Variants in LINGO2 observed in about 807,000 individuals in gnomAD.
LINGO2 encodes the protein leucine-rich repeat and immunoglobulin-like domain-containing nogo receptor-interacting protein 2.
LINGO2 carries 14 observed loss-of-function variants against 30.6 expected under a neutral mutation model. That is an observed-to-expected ratio of 0.46 (90% CI 0.30 to 0.72). LINGO2 has a LOEUF of 0.72. LINGO2 is among the 30% of genes least tolerant of loss of function. The pLI, the probability that LINGO2 is intolerant of heterozygous loss-of-function variation, is 0.07. For synonymous variants in LINGO2, 317 were observed against 288.5 expected (o/e 1.10, Z -1.00); for missense variants, 729 against 751.7 (o/e 0.97, Z 0.35).
At chr9:28,097,601 C>T (rs1448468348) in intron 4 of LINGO2, among the ~76,000 whole-genome samples, 3 of 137,972 alleles carry the variant, frequency 2.2e-5, no homozygotes, top group Non-Finnish European at 3.1e-5. Flanking sequence ...AACCAAACAC[C>T]GCATATTCTC....
chr9:28,965,494 T>A, the LINGO2 span, among the ~76,000 whole-genome samples: 3 of 152,060 alleles, frequency 2.0e-5, no homozygotes, highest in African/African-American at 7.2e-5. Flanking sequence ...AGAATCATGT[T>A]TCCTTCGCAT....
At chr9:28,368,690 G>A (rs892202620) in intron 3 of LINGO2, among the ~76,000 whole-genome samples, 9 of 150,038 alleles carry the variant, frequency 6.0e-5, no homozygotes, top group Admixed American at 2.0e-4. Context: ...TCCCCCTCCC[G>A]AGTTCACACC....
intron 4 of LINGO2, among the ~76,000 whole-genome samples, chr9:28,094,127 G>T (rs1023943265): frequency 1.3e-5 from 2 of 151,998 alleles, no homozygotes; most frequent in Admixed American, 1.3e-4. Flanking sequence ...CCAAGAATCA[G>T]AATTATTTTC....
chr9:28,884,948 AAT>A, the LINGO2 span, among the ~76,000 whole-genome samples: 31 of 4,574 alleles, frequency 6.8e-3, 2 homozygotes, highest in Admixed American at 0.073. Flanking sequence ...TAATATATAT[AAT>A]ATATAATATT....
At chr9:27,985,195 C>T (rs1195329632) in intron 5 of LINGO2, among the ~76,000 whole-genome samples, 2 of 151,876 alleles carry the variant, frequency 1.3e-5, no homozygotes, top group Non-Finnish European at 2.9e-5. Context: ...AGTGTCATAA[C>T]ACATCAACCA....
At chr9:29,203,669 G>A in the LINGO2 span, among the ~76,000 whole-genome samples, 29 of 152,174 alleles carry the variant, frequency 1.9e-4, no homozygotes, top group Non-Finnish European at 2.6e-4. Context: ...TTACAACGTT[G>A]TAACTGAAAA....
chr9:28,657,376 C>T (rs545483703), intron 1 of LINGO2, among the ~76,000 whole-genome samples: 3 of 151,934 alleles, frequency 2.0e-5, no homozygotes, highest in South Asian at 2.1e-4. Context: ...TCATCTACTC[C>T]GGGCTTTTTT....
At chr9:29,056,274 T>C in the LINGO2 span, among the ~76,000 whole-genome samples, 1 of 152,076 alleles carries the variant, frequency 6.6e-6, no homozygotes, top group African/African-American at 2.4e-5. Context: ...TATTTTTTGA[T>C]TTTTTGATTA....
chr9:28,176,640 C>T (rs1828758409), intron 4 of LINGO2, among the ~76,000 whole-genome samples: 1 of 152,094 alleles, frequency 6.6e-6, no homozygotes, highest in South Asian at 2.1e-4. Flanking sequence ...ATCTTTACAA[C>T]AAGCCAATGA....
chr9:28,143,528 G>A (rs927276523), intron 4 of LINGO2, among the ~76,000 whole-genome samples: 10 of 152,040 alleles, frequency 6.6e-5, no homozygotes, highest in Non-Finnish European at 1.2e-4. Context: ...CAGGAAAATG[G>A]GCAAATGGGC....
the LINGO2 span, among the ~76,000 whole-genome samples, chr9:28,807,293 G>A: frequency 7.9e-5 from 12 of 152,016 alleles, no homozygotes; most frequent in African/African-American, 2.7e-4. Context: ...AAAAGTGCTG[G>A]GATTACAGGT....
the LINGO2 span, among the ~76,000 whole-genome samples, chr9:29,140,342 A>AT: frequency 6.6e-6 from 1 of 151,984 alleles, no homozygotes. Context: ...ACCAACAGAG[A>AT]TAAGAAATAT....
chr9:29,032,004 A>G, the LINGO2 span, among the ~76,000 whole-genome samples: 60,502 of 151,974 alleles, frequency 0.4, 12,249 homozygotes, highest in East Asian at 0.54. Context: ...GCTTTCCTAG[A>G]CAAAGTTTGT....
chr9:28,059,475 C>A (rs545455126), intron 4 of LINGO2, among the ~76,000 whole-genome samples: 11 of 152,158 alleles, frequency 7.2e-5, no homozygotes, highest in African/African-American at 2.2e-4. Flanking sequence ...CCAACACAGG[C>A]AGTCCAGTTA....
At chr9:28,179,443 G>A (rs1359011721) in intron 4 of LINGO2, among the ~76,000 whole-genome samples, 1 of 132,834 alleles carries the variant, frequency 7.5e-6, no homozygotes, top group Non-Finnish European at 1.6e-5. Flanking sequence ...ACTATATATA[G>A]TATACATATA....
At chr9:28,310,173 C>T (rs1187267062) in intron 3 of LINGO2, among the ~76,000 whole-genome samples, 1 of 152,088 alleles carries the variant, frequency 6.6e-6, no homozygotes, top group African/African-American at 2.4e-5. Flanking sequence ...ATAGTCCAGC[C>T]ATTCAAATTC....
chr9:29,055,618 G>C, the LINGO2 span, among the ~76,000 whole-genome samples: 7 of 152,062 alleles, frequency 4.6e-5, no homozygotes, highest in African/African-American at 1.4e-4. Context: ...TGGTTACACT[G>C]ATAAGTTCTT....
the LINGO2 span, among the ~76,000 whole-genome samples, chr9:28,813,925 TGCA>T: frequency 1.2e-4 from 18 of 152,186 alleles, no homozygotes. Context: ...TCAGTCTGAT[TGCA>T]GCAAAGTTAC....
chr9:28,009,911 C>T (rs1320653731), intron 5 of LINGO2, among the ~76,000 whole-genome samples: 1 of 152,188 alleles, frequency 6.6e-6, no homozygotes, highest in African/African-American at 2.4e-5. Context: ...TATACAAAAA[C>T]TTGCATGTGA....
Sources: gnomAD v4.1 joint callset for allele counts (sites outside exome capture counted in the v4.1 genomes callset) on GRCh38, gnomAD v4.1.1 for gene constraint, MANE v1.5 for transcripts, NCBI Gene and HGNC (gene_info 2026-07-23, HGNC 2026-07-21) for gene names.